Variants in NEB observed in about 807,000 individuals in gnomAD.
NEB encodes nemaline myopathy type 2.
NEB carries 512 observed loss-of-function variants against 952.2 expected under a neutral mutation model. That is an observed-to-expected ratio of 0.54 (90% confidence interval 0.50 to 0.58). The LOEUF is 0.58. Ranked by LOEUF, NEB falls within the 20% of genes least tolerant of loss-of-function variation. The probability of loss-of-function intolerance (pLI) is 0.00; values close to 1 mark genes in which losing one functional copy is unlikely to be tolerated. For missense variants in NEB, 8,428 were observed against 9,231.1 expected (o/e 0.91, Z 3.56); for synonymous variants, 2,900 against 3,149.8 (o/e 0.92, Z 2.66).
At chr2:151,555,161 G>A in intron 124 of NEB, 117 bp from the exon 125 acceptor site, 1 of 689,188 alleles carries the variant, frequency 1.5e-6, no homozygotes, top group Non-Finnish European at 2.5e-6. Flanking sequence ...CAGCGTTGGG[G>A]ACAACACTTC....
At position 151,515,034 on chromosome 2, in the gene NEB, T is replaced by C. The variant is rs117699521; in HGVS notation, c.22906-106A>G. On this transcript the variant is annotated intron_variant, in intron 157 of 181. Coordinates refer to ENST00000397345, the MANE Select transcript of NEB (RefSeq NM_001164508.2). ...AACAGCATTTTCTATGTATGGGCTC[T>C]TAATCATAGTTCTGCTAATGGTCAC... 1,800 of 680,454 alleles carry C rather than the reference T, an allele frequency of 2.6e-3. 25 individuals are homozygous for C. The East Asian group carries it at 0.03, about 11-fold the overall frequency. 42.2% of individuals were successfully genotyped at this position (680,454 alleles called of 1,614,324 possible). A position where few individuals can be genotyped will look rare whatever the true frequency, so the allele number is the denominator to read the frequency against.
chr2:151,725,544 T>G lies in NEB; in HGVS notation c.311A>C (p.Lys104Thr), dbSNP rs994980701. 20 of 1,613,398 alleles carry G rather than the reference T, an allele frequency of 1.2e-5. No individual in the cohort carries two copies. The highest frequency in any genetic ancestry group is 1.6e-5 in the Non-Finnish European group (19 of 1,179,518). ...DLFSPNKYKE[K>T]FEKTKGQPYA... ...TGGCTGTCCTTTTGTTTTCTCAAAC[T>G]TCTCCTTGTATTTATTCTGAAAAGA... The change falls in exon 6 of 182, where the codon AAG (lysine) becomes ACG (threonine). Residue 104 changes from lysine to threonine, a missense_variant. Around this residue, in one of 11 missense-constraint regions of NEB, gnomAD observed 2,851 missense variants for 2,791.5 expected, o/e 1.02. Transcript: ENST00000397345.
At chr2:151,648,633 G>A (rs189370433) in intron 54 of NEB, among the ~76,000 whole-genome samples, 54 of 152,264 alleles carry the variant, frequency 3.5e-4, no homozygotes, top group East Asian at 3.3e-3. Flanking sequence ...GGGCTGCCCC[G>A]TGCATTGTGG....
In NEB at chr2:151,629,571, C is replaced by A. The variant is rs751450878; in HGVS notation, c.9799G>T (p.Ala3267Ser). The change falls in exon 68 of 182, where the codon GCT (alanine) becomes TCT (serine). Residue 3267 changes from alanine (A) to serine (S), a missense_variant. Around this residue, in one of 11 missense-constraint regions of NEB, gnomAD observed 1,772 missense variants for 1,960.3 expected, o/e 0.90. Coordinates refer to ENST00000397345, the MANE Select transcript of NEB (RefSeq NM_001164508.2). ...ATAACGTCCCTGGAGGCCTTGGCAG[C>A]CACGATGGGGATGGCGTCACTTCGC... ...DLRSDAIPIV[A>S]AKASRDVISD... is the part of the protein sequence containing the mutation. 4 of 1,613,646 alleles carry A rather than the reference C, an allele frequency of 2.5e-6. No homozygotes were observed. The African/African-American group carries it at 5.3e-5, about 22-fold the overall frequency.
intron 170 of NEB, 55 bp from the exon 171 acceptor site, chr2:151,497,773 G>C: frequency 1.3e-6 from 2 of 1,547,432 alleles, no homozygotes; most frequent in East Asian, 2.4e-5. Context: ...TTCATTTCTT[G>C]GGACTTTTTA....
chr2:151,678,272 G>T, intron 32 of NEB, 85 bp from the exon 33 acceptor site: 1 of 831,876 alleles, frequency 1.2e-6, no homozygotes, highest in Non-Finnish European at 1.8e-6. Context: ...AAGTAATTGA[G>T]CTTCCCAAAA....
At chr2:151,559,981 A>G (rs998611942) in intron 124 of NEB, among the ~76,000 whole-genome samples, 1 of 152,168 alleles carries the variant, frequency 6.6e-6, no homozygotes, top group African/African-American at 2.4e-5. Flanking sequence ...GTTTTACTTA[A>G]GAACATTAAT....
intron 16 of NEB, 29 bp downstream of exon 16, chr2:151,697,119 C>A: frequency 1.3e-6 from 2 of 1,528,302 alleles, no homozygotes; most frequent in South Asian, 1.2e-5. Flanking sequence ...GGAAGGCAGT[C>A]ACATTCAAAG....
Position 151,654,075 on chromosome 2 carries a change from C to G in NEB, c.6832G>C (p.Glu2278Gln), listed in dbSNP as rs1365958839. The change falls in exon 52 of 182, where the codon GAA becomes CAA. Residue 2278 changes from glutamate to glutamine, a missense_variant. Transcript: ENST00000397345. ...AGATCATAGCCTTTCTTCAAAGCTT[C>G]TTCCCATCCAAGTTTATAGAGTTTC... ...SQKLYKLGWE[E>Q]ALKKGYDLPV... 6.2e-7 allele frequency: 1 copy of G among 1,608,548 alleles called. No individual in the cohort carries two copies.
chr2:151,578,912 T>C (rs1350173898), intron 105 of NEB, among the ~76,000 whole-genome samples: 6 of 150,806 alleles, frequency 4.0e-5, no homozygotes, highest in African/African-American at 1.2e-4. Flanking sequence ...CAAAGACCTG[T>C]CTCTAATAAA....
chr2:151,618,573 T>A (rs1334212579), intron 73 of NEB, 95 bp from the exon 74 acceptor site: 4 of 1,185,736 alleles, frequency 3.4e-6, no homozygotes, highest in African/African-American at 1.6e-5. Context: ...AAAATACCGA[T>A]GAATAGTTAA....
chr2:151,702,542 G>A (rs1344504361), intron 13 of NEB, among the ~76,000 whole-genome samples: 1 of 151,776 alleles, frequency 6.6e-6, no homozygotes, highest in African/African-American at 2.4e-5. Flanking sequence ...TTATGAATCT[G>A]GGTGTTCCTG....
chr2:151,634,728 A>G (rs1473119085), intron 64 of NEB, among the ~76,000 whole-genome samples: 1 of 148,986 alleles, frequency 6.7e-6, no homozygotes, highest in African/African-American at 2.5e-5. Flanking sequence ...AGGAGAATTT[A>G]TTATTATTAT....
Position 151,567,448 on chromosome 2 carries a change from T to G in NEB, c.17876A>C (p.Lys5959Thr). The G allele has an allele frequency of 6.2e-7, 1 of 1,612,748 alleles. No homozygotes were observed. Among genetic ancestry groups the G allele is most frequent in the East Asian group, 2.2e-5 (1 of 44,802 alleles). ...LKYKAEHVKQKGHYVGVPTMR... is the reference protein window; with the variant it reads ...LKYKAEHVKQTGHYVGVPTMR... ...CGTCGGGACACCAACATAATGACCT[T>G]TTTGCTTCACATGTTCAGCTTTGTA... Residue 5959 changes from lysine (K) to threonine (T), a missense_variant, in exon 114 of 182, where the codon AAA becomes ACA. By Grantham distance (78) the Lys-to-Thr change is moderately conservative. Coordinates refer to ENST00000397345, the MANE Select transcript of NEB (RefSeq NM_001164508.2).
At chr2:151,501,092 A>G (rs1488396188) in intron 168 of NEB, among the ~76,000 whole-genome samples, 1 of 152,194 alleles carries the variant, frequency 6.6e-6, no homozygotes, top group Non-Finnish European at 1.5e-5. Context: ...TTCCAAGTAA[A>G]TAAGAGCTTT....
chr2:151,733,754 T>C lies in NEB; in HGVS notation c.-72A>G, dbSNP rs1331852437. On this transcript the variant is annotated 5_prime_UTR_variant, in exon 2 of 182. It adds an upstream start codon to the 5' untranslated region. Transcript: ENST00000397345. ...ATTTTCTTCCCGAACACCATTGGCT[T>C]ATACAGACTTTTTCTTTCGTTTCTG... is the stretch of plus-strand genomic sequence containing the variant. 3 of 152,226 alleles carry C rather than the reference T, an allele frequency of 2.0e-5. No individual in the cohort carries two copies. Among genetic ancestry groups the C allele is most frequent in the Non-Finnish European group, 4.4e-5 (3 of 68,042 alleles). 9.4% of individuals were successfully genotyped at this position (152,226 alleles called of 1,614,324 possible).
At chr2:151,540,307 C>A in intron 138 of NEB, 37 bp downstream of exon 138, 1 of 1,278,460 alleles carries the variant, frequency 7.8e-7, no homozygotes, top group Non-Finnish European at 1.1e-6. Context: ...CTCAGCTCTC[C>A]CCATCACAAC....
intron 135 of NEB, among the ~76,000 whole-genome samples, chr2:151,545,318 G>A (rs2094541433): frequency 6.6e-6 from 1 of 152,218 alleles, no homozygotes; most frequent in African/African-American, 2.4e-5. Context: ...GCTCACGCCT[G>A]TAATTCCAGT....
intron 67 of NEB, 122 bp from the exon 68 acceptor site, chr2:151,629,768 G>T: frequency 2.7e-6 from 2 of 728,492 alleles, no homozygotes; most frequent in East Asian, 2.8e-5. Context: ...TCAAGTTTCT[G>T]GCAATAGTGG....
Sources: allele counts gnomAD v4.1 joint callset (sites outside exome capture counted in the v4.1 genomes callset), GRCh38; gene constraint gnomAD v4.1.1; regional missense constraint gnomAD v4.1.1; transcripts MANE v1.5; gene names NCBI Gene and HGNC (gene_info 2026-07-23, HGNC 2026-07-21).